Variants in FASTKD1 observed in about 807,000 individuals in gnomAD.
The protein encoded by FASTKD1 is FAST kinase domain-containing protein 1, mitochondrial.
In FASTKD1, 94 loss-of-function variants were observed where a neutral mutation model predicts 90.9. The ratio of observed to expected loss-of-function variants is 1.03; its 90% confidence interval spans 0.88 to 1.23. FASTKD1 has a LOEUF of 1.23. FASTKD1 is among the 50% of genes most tolerant of loss of function. The pLI, the probability that FASTKD1 is intolerant of heterozygous loss-of-function variation, is 0.00. For synonymous variants in FASTKD1, 319 were observed against 345.8 expected (o/e 0.92, Z 0.86); for missense variants, 945 against 993.5 (o/e 0.95, Z 0.66).
intron 3 of FASTKD1, among the ~76,000 whole-genome samples, chr2:169,565,664 C>A (rs1192284446): frequency 6.6e-6 from 1 of 152,192 alleles, no homozygotes; most frequent in Non-Finnish European, 1.5e-5. Flanking sequence ...GTACAGATAT[C>A]TCTTCAATAT....
chr2:169,550,373 G>GA (rs147321486), intron 7 of FASTKD1, among the ~76,000 whole-genome samples: 14,347 of 151,656 alleles, frequency 0.095, 890 homozygotes, highest in Middle Eastern at 0.19. Flanking sequence ...GGTCAACTAG[G>GA]AAAAAAAATA....
At chr2:169,550,501 T>C (rs1685441987) in intron 7 of FASTKD1, among the ~76,000 whole-genome samples, 1 of 152,106 alleles carries the variant, frequency 6.6e-6, no homozygotes, top group South Asian at 2.1e-4. Context: ...TTTTTAGAGA[T>C]AGGGTCTCAC....
intron 3 of FASTKD1, among the ~76,000 whole-genome samples, chr2:169,568,628 T>TAAAAAAAAAAAAAAA (rs10618482): frequency 2.2e-4 from 9 of 41,540 alleles, no homozygotes; most frequent in Admixed American, 4.3e-4. Context: ...CCCTGTCCAT[T>TAAAAAAAAAAAAAAA]AAAAAAAAAA....
chr2:169,551,152 T>C (rs987991624), intron 7 of FASTKD1, among the ~76,000 whole-genome samples: 1 of 152,120 alleles, frequency 6.6e-6, no homozygotes, highest in Non-Finnish European at 1.5e-5. Flanking sequence ...TTGGCACGGA[T>C]ATGGAGCAAT....
intron 7 of FASTKD1, among the ~76,000 whole-genome samples, chr2:169,550,553 A>G (rs1258391930): frequency 6.6e-6 from 1 of 152,014 alleles, no homozygotes; most frequent in Non-Finnish European, 1.5e-5. Flanking sequence ...ATCATAGTTC[A>G]CTGTAAGCTT....
chr2:169,534,141 T>C (rs1347569562), intron 12 of FASTKD1, among the ~76,000 whole-genome samples: 1 of 120,468 alleles, frequency 8.3e-6, no homozygotes, highest in African/African-American at 3.2e-5. Flanking sequence ...ACTGCACTCC[T>C]GCACTGCACT....
At chr2:169,544,859 T>G (rs1685118338) in intron 8 of FASTKD1, 24 bp from the exon 9 acceptor site, 3 of 1,385,992 alleles carry the variant, frequency 2.2e-6, no homozygotes, top group Non-Finnish European at 3.0e-6. Context: ...ACAAAAAATT[T>G]ATAGTTTAAA....
intron 6 of FASTKD1, among the ~76,000 whole-genome samples, 159 bp downstream of exon 6, chr2:169,557,028 A>G (rs1213075987): frequency 1.3e-5 from 2 of 152,148 alleles, no homozygotes; most frequent in Non-Finnish European, 2.9e-5. Context: ...AAAAAAAAGA[A>G]AAGAAAAACA....
Position 169,530,684 on chromosome 2 carries a change from A to C in FASTKD1, c.2345T>G (p.Leu782Trp). ...PGAERIALEF[L>W]DSKALCRNIP... ...ATTTCTACAAAGTGCTTTTGAATCC[A>C]AAAATTCCAAAGCAATCCTACATAA... Residue 782 changes from leucine to tryptophan, a missense_variant, in exon 14 of 15, where the codon TTG (leucine) becomes TGG (tryptophan). By Grantham distance (61) the Leu-to-Trp change is moderately conservative. Coordinates refer to ENST00000453153, the MANE Select transcript of FASTKD1 (RefSeq NM_024622.6). 2 of 1,591,650 alleles carry C rather than the reference A, an allele frequency of 1.3e-6. No individual in the cohort carries two copies. Among genetic ancestry groups the C allele is most frequent in the Non-Finnish European group, 1.7e-6 (2 of 1,167,352 alleles).
intron 9 of FASTKD1, among the ~76,000 whole-genome samples, chr2:169,543,388 G>A (rs1685044525): frequency 6.6e-6 from 1 of 152,138 alleles, no homozygotes; most frequent in Non-Finnish European, 1.5e-5. Flanking sequence ...GCTTGAACCT[G>A]GGAGGCGGAG....
At chr2:169,537,982 C>T in intron 11 of FASTKD1, 31 bp downstream of exon 11, 4 of 1,569,212 alleles carry the variant, frequency 2.5e-6, no homozygotes, top group Non-Finnish European at 2.6e-6. Flanking sequence ...TAGAATCAAA[C>T]TTTGCTATCT....
At chr2:169,559,265 AC>A (rs1045124379) in intron 5 of FASTKD1, among the ~76,000 whole-genome samples, 3 of 150,914 alleles carry the variant, frequency 2.0e-5, no homozygotes, top group African/African-American at 7.3e-5. Flanking sequence ...GATCCACCGC[AC>A]CCAGCCACAA....
At position 169,529,283 on chromosome 2, in the gene FASTKD1, A is replaced by G. The variant is rs1266846466; in HGVS notation, c.*542T>C. ...TTAGTTGCTTAGGACAAAAACTTAG[A>G]ATTATCCTTGACTCCTATTTGTCTC... On this transcript the variant is annotated 3_prime_UTR_variant, in exon 15 of 15. Transcript: ENST00000453153. Among the ~76,000 whole-genome samples the G allele has an allele frequency of 6.6e-6, 1 of 151,936 alleles. No individual in the cohort carries two copies. Among genetic ancestry groups the G allele is most frequent in the Non-Finnish European group, 1.5e-5 (1 of 67,988 alleles).
intron 13 of FASTKD1, 92 bp from the exon 14 acceptor site, chr2:169,530,793 A>G: frequency 2.8e-6 from 2 of 713,980 alleles, no homozygotes; most frequent in Non-Finnish European, 2.4e-6. Context: ...ATCTTTATAA[A>G]CTAACAAAAG....
intron 10 of FASTKD1, among the ~76,000 whole-genome samples, chr2:169,538,506 G>A (rs1348996426): frequency 2.6e-5 from 4 of 151,734 alleles, no homozygotes; most frequent in East Asian, 1.9e-4. Flanking sequence ...GAGAAACCCC[G>A]TCTATACTAA....
Position 169,572,163 on chromosome 2 carries a change from G to T in FASTKD1, c.-134C>A. On this transcript the variant is annotated 5_prime_UTR_variant, in exon 2 of 15. Transcript: ENST00000453153. ...ACAATGACTGTAAACGCATTCCAAT[G>T]TACAGCTTCTATAAAAGAATTGGTT... 2.1e-6 allele frequency: 2 copies of T among 966,772 alleles called. No homozygotes were observed. Among genetic ancestry groups the T allele is most frequent in the Non-Finnish European group, 2.9e-6 (2 of 691,826 alleles). The allele number at this position is 966,772 out of a possible 1,614,324, so 59.9% of individuals were successfully genotyped here.
intron 1 of FASTKD1, among the ~76,000 whole-genome samples, chr2:169,572,551 AC>A (rs1444679908): frequency 3.0e-3 from 98 of 32,586 alleles, no homozygotes; most frequent in African/African-American, 6.1e-3. Flanking sequence ...ATATATATAT[AC>A]TTTTTTTTTT....
intron 3 of FASTKD1, among the ~76,000 whole-genome samples, chr2:169,568,297 A>G (rs1055336049): frequency 2.0e-5 from 3 of 152,018 alleles, no homozygotes; most frequent in African/African-American, 7.2e-5. Context: ...TGGCTCCTGC[A>G]CTTCTAGGTT....
chr2:169,557,284 T>C lies in FASTKD1; in HGVS notation c.985A>G (p.Met329Val), dbSNP rs763556099. ...GTTAGGTCCTCTGACATCAATAACA[T>C]AGTTGATTTAAGTCTAGAAGCAAAA... ...PEEKKQLKST[M>V]LLMSEDLTGE... Residue 329 changes from methionine to valine, a missense_variant, in exon 6 of 15, where the codon ATG (methionine) becomes GTG (valine). Physicochemically the swap from Met to Val is conservative, Grantham distance 21. Coordinates refer to ENST00000453153, the MANE Select transcript of FASTKD1 (RefSeq NM_024622.6). 2.5e-6 allele frequency: 4 copies of C among 1,590,112 alleles called. No homozygotes were observed. In the Admixed American group the frequency reaches 7.3e-5, roughly 29 times the overall value.
Sources: gnomAD v4.1 joint callset for allele counts (sites outside exome capture counted in the v4.1 genomes callset) on GRCh38, gnomAD v4.1.1 for gene constraint, MANE v1.5 for transcripts, NCBI Gene and HGNC (gene_info 2026-07-23, HGNC 2026-07-21) for gene names.